Variants in ST6GAL1 observed in about 807,000 individuals in gnomAD.
ST6GAL1 encodes the protein beta-galactoside alpha-2,6-sialyltransferase 1.
ST6GAL1 carries 20 observed loss-of-function variants against 38.0 expected under a neutral mutation model. The ratio of observed to expected loss-of-function variants is 0.53; its 90% confidence interval spans 0.37 to 0.77. The LOEUF is 0.77. Among genes scored for constraint, ST6GAL1 ranks in the 30% least tolerant of loss-of-function variants. The probability of loss-of-function intolerance (pLI) is 0.00; values close to 1 mark genes in which losing one functional copy is unlikely to be tolerated. For missense variants in ST6GAL1, 432 were observed against 496.4 expected, an observed-to-expected ratio of 0.87 and a Z score of 1.23; for synonymous variants, 196 against 188.2, an observed-to-expected ratio of 1.04 and a Z score of -0.34.
Position 186,930,532 on chromosome 3 carries a change from C to T in ST6GAL1, c.-627C>T, listed in dbSNP as rs745597705. 6.5e-6 allele frequency: 1 copy of T among 153,020 alleles called. No individual in the cohort carries two copies. The highest frequency in any genetic ancestry group is 1.5e-5 in the Non-Finnish European group (1 of 68,596). The allele number at this position is 153,020 out of a possible 1,614,324, so 9.5% of individuals were successfully genotyped here. A position where few individuals can be genotyped will look rare whatever the true frequency, so the allele number is the denominator to read the frequency against. On this transcript the variant is annotated 5_prime_UTR_variant, in exon 1 of 8. Transcript: ENST00000169298. ...CTTCCCGCCCCTCCGCCGCGCTCTT[C>T]TTCCTTCCTTCTCCAGTCCCTTCCA... is the stretch of plus-strand genomic sequence containing the variant.
intron 2 of ST6GAL1, among the ~76,000 whole-genome samples, chr3:186,974,527 T>C (rs915143227): frequency 2.0e-5 from 3 of 152,002 alleles, no homozygotes; most frequent in South Asian, 2.1e-4. Context: ...AATTCAGTGA[T>C]TTTTTTTAGT....
chr3:186,978,734 A>G (rs188401327), intron 2 of ST6GAL1, among the ~76,000 whole-genome samples: 1 of 152,260 alleles, frequency 6.6e-6, no homozygotes, highest in East Asian at 1.9e-4. Flanking sequence ...TTGCAGGATA[A>G]ATTGGGACTA....
chr3:187,050,630 G>C (rs1287519712), intron 4 of ST6GAL1, among the ~76,000 whole-genome samples: 1 of 151,904 alleles, frequency 6.6e-6, no homozygotes, highest in Non-Finnish European at 1.5e-5. Flanking sequence ...AAAAGAGAGA[G>C]AGGAAGGAAG....
At chr3:187,059,225 C>A (rs1013781662) in intron 5 of ST6GAL1, among the ~76,000 whole-genome samples, 1 of 152,112 alleles carries the variant, frequency 6.6e-6, no homozygotes, top group African/African-American at 2.4e-5. Context: ...CATTCAGATA[C>A]CCCTGGCTAA....
chr3:187,044,452 G>A (rs1043694241), intron 4 of ST6GAL1, among the ~76,000 whole-genome samples: 1 of 152,182 alleles, frequency 6.6e-6, no homozygotes, highest in African/African-American at 2.4e-5. Context: ...AAGAAATGGT[G>A]AGATCACAGT....
intron 2 of ST6GAL1, among the ~76,000 whole-genome samples, chr3:186,978,438 C>A (rs921525470): frequency 6.6e-6 from 1 of 152,146 alleles, no homozygotes; most frequent in African/African-American, 2.4e-5. Context: ...CCACGTTACT[C>A]TGTTAACAGC....
chr3:187,069,576 A>G (rs1299379939), intron 5 of ST6GAL1, among the ~76,000 whole-genome samples: 1 of 152,062 alleles, frequency 6.6e-6, no homozygotes, highest in Non-Finnish European at 1.5e-5. Context: ...TCTTTACTCC[A>G]TTATTTCTTA....
intron 2 of ST6GAL1, among the ~76,000 whole-genome samples, chr3:186,998,271 C>T (rs1454817272): frequency 6.6e-6 from 1 of 152,164 alleles, no homozygotes; most frequent in Admixed American, 6.5e-5. Flanking sequence ...TAACTTTTGA[C>T]GGTCCCTAAA....
chr3:187,074,399 G>C, intron 7 of ST6GAL1, 66 bp downstream of exon 7: 2 of 1,444,962 alleles, frequency 1.4e-6, no homozygotes, highest in East Asian at 2.5e-5. Context: ...TTTTTTCTGG[G>C]GTCTCATTCA....
At chr3:186,957,124 C>T (rs1714771981) in intron 1 of ST6GAL1, among the ~76,000 whole-genome samples, 2 of 152,230 alleles carry the variant, frequency 1.3e-5, no homozygotes, top group South Asian at 4.1e-4. Flanking sequence ...AGAAAACTTA[C>T]AGAACCTTGC....
At chr3:186,957,517 G>A (rs966497010) in intron 1 of ST6GAL1, among the ~76,000 whole-genome samples, 4 of 151,922 alleles carry the variant, frequency 2.6e-5, no homozygotes, top group South Asian at 2.1e-4. Flanking sequence ...AGTAAGACTC[G>A]CAGAAAAAGA....
intron 3 of ST6GAL1, among the ~76,000 whole-genome samples, chr3:187,039,232 C>A (rs1718043284): frequency 6.6e-6 from 1 of 152,178 alleles, no homozygotes; most frequent in South Asian, 2.1e-4. Flanking sequence ...TCTGCCGGTT[C>A]AGTGTTGGCC....
chr3:186,958,759 C>G (rs1714829759), intron 1 of ST6GAL1, among the ~76,000 whole-genome samples: 1 of 152,128 alleles, frequency 6.6e-6, no homozygotes, highest in African/African-American at 2.4e-5. Context: ...CGAGACCAGC[C>G]TGGCCAACAT....
chr3:187,022,767 T>A, intron 2 of ST6GAL1, among the ~76,000 whole-genome samples: 1 of 152,264 alleles, frequency 6.6e-6, no homozygotes, highest in South Asian at 2.1e-4. Context: ...TGGGGCAAAA[T>A]ATTTTAATTT....
intron 2 of ST6GAL1, among the ~76,000 whole-genome samples, chr3:187,001,559 A>T (rs143350799): frequency 2.0e-5 from 3 of 152,264 alleles, no homozygotes; most frequent in African/African-American, 7.2e-5. Context: ...TCATCTGTAA[A>T]ATGGGATTAT....
intron 5 of ST6GAL1, among the ~76,000 whole-genome samples, chr3:187,057,913 G>A (rs1035979189): frequency 6.6e-6 from 1 of 152,328 alleles, no homozygotes; most frequent in Admixed American, 6.5e-5. Flanking sequence ...GGAGTCTACA[G>A]AGGCAGCAGG....
At chr3:187,059,725 A>G (rs975468777) in intron 5 of ST6GAL1, among the ~76,000 whole-genome samples, 2 of 152,264 alleles carry the variant, frequency 1.3e-5, no homozygotes, top group African/African-American at 2.4e-5. Context: ...TGGCACATGT[A>G]TCAATAAACG....
chr3:187,007,893 C>A (rs1039109693), intron 2 of ST6GAL1, among the ~76,000 whole-genome samples: 14 of 151,856 alleles, frequency 9.2e-5, no homozygotes, highest in African/African-American at 3.1e-4. Context: ...GATATGGGCC[C>A]AGTAGCGGAA....
At chr3:186,993,310 G>T (rs6444192) in intron 2 of ST6GAL1, among the ~76,000 whole-genome samples, 66,907 of 152,058 alleles carry the variant, frequency 0.44, 14,818 homozygotes, top group Admixed American at 0.54. Context: ...TAAGTGGCCA[G>T]AATGACCCGA....
Sources: allele counts gnomAD v4.1 joint callset (sites outside exome capture counted in the v4.1 genomes callset), GRCh38; gene constraint gnomAD v4.1.1; transcripts MANE v1.5; gene names NCBI Gene and HGNC (gene_info 2026-07-23, HGNC 2026-07-21).